CHRM3: variants seen among roughly 807,000 people sequenced by gnomAD.
The protein encoded by CHRM3 is muscarinic acetylcholine receptor M3.
CHRM3 carries 11 observed loss-of-function variants against 41.8 expected under a neutral mutation model. The observed-to-expected ratio is 0.26, with a 90% confidence interval of 0.17 to 0.44. The LOEUF is 0.44. Ranked by LOEUF, CHRM3 falls within the 20% of genes least tolerant of loss-of-function variation. CHRM3 has a pLI of 1.00. For synonymous variants in CHRM3, 297 were observed against 301.4 expected (o/e 0.99, Z 0.15); for missense variants, 571 against 745.4 (o/e 0.77, Z 2.72).
chr1:239,845,916 C>T (rs1674224546), intron 6 of CHRM3, among the ~76,000 whole-genome samples: 1 of 152,000 alleles, frequency 6.6e-6, no homozygotes, highest in Admixed American at 6.6e-5. Context: ...AGAATTAGAC[C>T]TGAAGTTAGT....
At chr1:239,776,313 G>C in intron 5 of CHRM3, among the ~76,000 whole-genome samples, 1 of 152,160 alleles carries the variant, frequency 6.6e-6, no homozygotes, top group Non-Finnish European at 1.5e-5. Context: ...TTGTCATAAG[G>C]ATTACATGAG....
intron 1 of CHRM3, among the ~76,000 whole-genome samples, chr1:239,414,578 C>T (rs753722851): frequency 5.3e-5 from 8 of 152,200 alleles, no homozygotes; most frequent in South Asian, 2.1e-4. Context: ...TATTTTCAAT[C>T]GGGTAATGTA....
intron 1 of CHRM3, among the ~76,000 whole-genome samples, chr1:239,478,918 C>T (rs915975165): frequency 6.6e-6 from 1 of 152,100 alleles, no homozygotes; most frequent in Non-Finnish European, 1.5e-5. Flanking sequence ...CATGCTGGCT[C>T]ATGAATGTAA....
chr1:239,539,423 A>G (rs1658520003), intron 2 of CHRM3, among the ~76,000 whole-genome samples: 2 of 152,160 alleles, frequency 1.3e-5, no homozygotes, highest in Admixed American at 6.5e-5. Context: ...CACAAAGACG[A>G]TTTTGAGTCT....
chr1:239,762,000 G>A (rs535812317), intron 5 of CHRM3, among the ~76,000 whole-genome samples: 162 of 152,272 alleles, frequency 1.1e-3, no homozygotes, highest in South Asian at 4.6e-3. Flanking sequence ...GGAGTAGACT[G>A]GAATGATCCT....
At chr1:239,574,786 T>G (rs1033857981) in intron 3 of CHRM3, among the ~76,000 whole-genome samples, 7 of 152,102 alleles carry the variant, frequency 4.6e-5, no homozygotes, top group African/African-American at 1.7e-4. Context: ...TTTTCATCTT[T>G]TTTCTTCCTC....
intron 4 of CHRM3, among the ~76,000 whole-genome samples, chr1:239,637,397 A>G (rs1670573918): frequency 6.6e-6 from 1 of 152,078 alleles, no homozygotes; most frequent in African/African-American, 2.4e-5. Flanking sequence ...ATAACTTTCT[A>G]CACATATCAC....
At position 239,500,965 on chromosome 1, in the gene CHRM3, CA is replaced by C. The variant is rs369301932; in HGVS notation, c.-422+8159del. ...CATGCAAATGGACACGAAAAGCGGG[CA>C]GGGGTAGCTATTCTTATTTCAGACA... On this transcript the variant is annotated intron_variant, in intron 2 of 6. Coordinates refer to ENST00000676153, the MANE Select transcript of CHRM3 (RefSeq NM_001375978.1). Among the ~76,000 whole-genome samples the C allele has an allele frequency of 8.5e-4, 130 of 152,242 alleles. 1 individual carries two copies. Among genetic ancestry groups the C allele is most frequent in the African/African-American group, 3.0e-3 (125 of 41,536 alleles).
intron 3 of CHRM3, among the ~76,000 whole-genome samples, chr1:239,588,785 A>G (rs2148624064): frequency 6.6e-6 from 1 of 152,282 alleles, no homozygotes; most frequent in Non-Finnish European, 1.5e-5. Flanking sequence ...ATAGACTTTG[A>G]ATATGTAGAA....
At chr1:239,639,743 A>G (rs1299728009) in intron 4 of CHRM3, among the ~76,000 whole-genome samples, 3 of 151,448 alleles carry the variant, frequency 2.0e-5, no homozygotes, top group African/African-American at 7.3e-5. Context: ...CTCCTAATTG[A>G]ATACCCTTTA....
chr1:239,485,755 C>G (rs1303426203), intron 1 of CHRM3, among the ~76,000 whole-genome samples: 1 of 152,108 alleles, frequency 6.6e-6, no homozygotes, highest in Non-Finnish European at 1.5e-5. Flanking sequence ...TCAGTGAGCC[C>G]TTTTGCTCTC....
At chr1:239,532,494 G>GGC (rs1314274115) in intron 2 of CHRM3, among the ~76,000 whole-genome samples, 1 of 151,098 alleles carries the variant, frequency 6.6e-6, no homozygotes, top group Admixed American at 6.6e-5. Flanking sequence ...ACATGGTGGT[G>GGC]TGTGCCTGTA....
rs114104155 is a variant in CHRM3 at position 239,793,505 on chromosome 1, T to G, written c.-146-33747T>G. ...GATGATAAACAATAAGACCACAAAT[T>G]TGAGAAAAGTGATTTCTAATAATGT... On this transcript the variant is annotated intron_variant, in intron 5 of 6. Transcript: ENST00000676153. 8.8e-3 allele frequency among the ~76,000 whole-genome samples: 1,343 copies of G among 152,296 alleles called. 24 individuals are homozygous for G. The highest frequency in any genetic ancestry group is 0.031 in the African/African-American group (1,301 of 41,560).
chr1:239,800,703 A>G (rs1670144072), intron 5 of CHRM3, among the ~76,000 whole-genome samples: 1 of 152,192 alleles, frequency 6.6e-6, no homozygotes, highest in Non-Finnish European at 1.5e-5. Flanking sequence ...GGGTCTGCCT[A>G]TCACTGTGGG....
At chr1:239,642,164 G>C (rs1263745860) in intron 4 of CHRM3, among the ~76,000 whole-genome samples, 3 of 139,032 alleles carry the variant, frequency 2.2e-5, no homozygotes, top group Non-Finnish European at 4.7e-5. Flanking sequence ...TCCCTTTGTG[G>C]GTAACCCGAC....
At chr1:239,553,165 T>G (rs774454887) in intron 3 of CHRM3, among the ~76,000 whole-genome samples, 1 of 152,086 alleles carries the variant, frequency 6.6e-6, no homozygotes, top group Non-Finnish European at 1.5e-5. Flanking sequence ...AAAGACTTTG[T>G]AAGGAAGTCA....
intron 3 of CHRM3, among the ~76,000 whole-genome samples, chr1:239,557,499 G>A (rs952922120): frequency 1.3e-5 from 2 of 152,118 alleles, no homozygotes; most frequent in Non-Finnish European, 2.9e-5. Flanking sequence ...ATAAGTTTCA[G>A]GGTACATGTG....
chr1:239,751,595 C>T (rs893511449), intron 5 of CHRM3, among the ~76,000 whole-genome samples: 1 of 152,130 alleles, frequency 6.6e-6, no homozygotes, highest in Non-Finnish European at 1.5e-5. Context: ...TTTTTAGATA[C>T]TGGACCTCTA....
chr1:239,888,032 G>T (rs1463617345), intron 6 of CHRM3, among the ~76,000 whole-genome samples: 2 of 152,102 alleles, frequency 1.3e-5, no homozygotes, highest in African/African-American at 4.8e-5. Context: ...TTAAGTCGTG[G>T]TCTTGATGGT....
Sources: gnomAD v4.1 joint callset for allele counts (sites outside exome capture counted in the v4.1 genomes callset) on GRCh38, gnomAD v4.1.1 for gene constraint, MANE v1.5 for transcripts, NCBI Gene and HGNC (gene_info 2026-07-23, HGNC 2026-07-21) for gene names.